Variants in AHNAK observed in about 807,000 individuals in gnomAD.
The protein encoded by AHNAK is AHNAK nucleoprotein, also known as neuroblast differentiation-associated protein AHNAK.
AHNAK carries 23 observed loss-of-function variants against 37.8 expected under a neutral mutation model. The ratio of observed to expected loss-of-function variants is 0.61; its 90% confidence interval spans 0.44 to 0.86. AHNAK has a LOEUF of 0.86. AHNAK is among the 40% of genes least tolerant of loss of function. AHNAK has a pLI of 0.00. For synonymous variants in AHNAK, 2,481 were observed against 2,636.3 expected (o/e 0.94, Z 1.80); for missense variants, 7,411 against 7,319.4 (o/e 1.01, Z -0.46).
rs1412820484 is a variant in AHNAK, at chr11:62,530,017, C to T, written c.4400G>A (p.Gly1467Glu). Residue 1467 changes from glycine to glutamate, a missense_variant, in exon 5 of 5, where the codon GGA becomes GAA. Gly to Glu is a moderately conservative substitution (Grantham distance 98). Transcript: ENST00000378024. ...TTTTGGAACTGTTACATCATAATCTCCTTTCATTTTAGGACCTTTCAAATG... is the reference window on the plus strand; with the variant it reads ...TTTTGGAACTGTTACATCATAATCTTCTTTCATTTTAGGACCTTTCAAATG... ...GLHLKGPKMK[G>E]DYDVTVPKVE... is the part of the protein sequence containing the mutation. 3 of 1,614,106 alleles carry T rather than the reference C, an allele frequency of 1.9e-6. No individual in the cohort carries two copies. The highest frequency in any genetic ancestry group is 2.5e-6 in the Non-Finnish European group (3 of 1,180,038).
At chr11:62,477,556 G>C (rs545402743) in intron 5 of AHNAK, among the ~76,000 whole-genome samples, 1 of 152,186 alleles carries the variant, frequency 6.6e-6, no homozygotes, top group Non-Finnish European at 1.5e-5. Flanking sequence ...TGTAATCCCA[G>C]CACTTTGGGA....
intron 5 of AHNAK, among the ~76,000 whole-genome samples, chr11:62,449,182 T>G (rs4084163): frequency 2.0e-5 from 3 of 152,330 alleles, no homozygotes; most frequent in Admixed American, 1.3e-4. Flanking sequence ...CTCTCTCTTC[T>G]CATGGTGTGA....
rs776859050 is a variant in AHNAK, at chr11:62,531,270, C to T, written c.3147G>A (p.Lys1049=). 6.2e-7 allele frequency: 1 copy of T among 1,613,460 alleles called. No homozygotes were observed. Among genetic ancestry groups the T allele is most frequent in the Non-Finnish European group, 8.5e-7 (1 of 1,179,788 alleles). Residue 1049 remains lysine, a synonymous_variant, in exon 5 of 5, where the codon AAG becomes AAA. Coordinates refer to ENST00000378024, the MANE Select transcript of AHNAK (RefSeq NM_001620.3). ...PDLSLEGPEG[K]LKGPKFKMPE... is the part of the protein sequence containing the mutation. ...GCATCTTAAACTTCGGGCCTTTCAA[C>T]TTCCCTTCAGGTCCTTCAAGGCTCA...
chr11:62,516,830 A>G lies in AHNAK; in HGVS notation c.17587T>C (p.Ser5863Pro). The change falls in exon 5 of 5, where the codon TCC (serine) becomes CCC (proline). Residue 5863 changes from serine to proline, a missense_variant. Physicochemically the swap from Ser to Pro is moderately conservative, Grantham distance 74. Transcript: ENST00000378024. The part of the protein sequence containing the change: ...VSLASKKSRL[S>P]SSSSNDSGNK... ...CCACTGTCATTGCTAGAAGAGGAGG[A>G]CAGTCGGGACTTCTTAGAGGCCAGG... The G allele has an allele frequency of 6.2e-7, 1 of 1,614,156 alleles. No individual in the cohort carries two copies. The highest frequency in any genetic ancestry group is 1.3e-5 in the African/African-American group (1 of 75,032).
In AHNAK at chr11:62,528,345, G is replaced by T. The variant is rs775022062; in HGVS notation, c.6072C>A (p.Asp2024Glu). Residue 2024 changes from aspartate (D) to glutamate (E), a missense_variant, in exon 5 of 5, where the codon GAC (aspartate) becomes GAA (glutamate). Coordinates refer to ENST00000378024, the MANE Select transcript of AHNAK (RefSeq NM_001620.3). Reference sequence around the variant, plus strand: ...CAATGTCCATTTTGGGTCCTTTGATGTCAACATCTGGCACTTTCATTTCAC... The same window carrying T: ...CAATGTCCATTTTGGGTCCTTTGATTTCAACATCTGGCACTTTCATTTCAC... Reference protein sequence around the residue: ...VEGEMKVPDVDIKGPKMDIDA... With the variant: ...VEGEMKVPDVEIKGPKMDIDA... 3.1e-6 allele frequency: 5 copies of T among 1,613,612 alleles called. No individual in the cohort carries two copies. The Admixed American group carries it at 6.7e-5, about 22-fold the overall frequency.
At position 62,533,584 on chromosome 11, in the gene AHNAK, A is replaced by G. The variant is rs1940841841; in HGVS notation, c.833T>C (p.Val278Ala). ...ACCCCCAAGAGAAGATGAAATGTCCACTGCTGGAACTTGGACCCCTCCTCT... is the reference window on the plus strand; with the variant it reads ...ACCCCCAAGAGAAGATGAAATGTCCGCTGCTGGAACTTGGACCCCTCCTCT... ...GGRGGVQVPA[V>A]DISSSLGGRA... The change falls in exon 5 of 5, where the codon GTG (valine) becomes GCG (alanine). Residue 278 changes from valine (V) to alanine (A), a missense_variant. Transcript: ENST00000378024. 12 of 1,614,128 alleles carry G rather than the reference A, an allele frequency of 7.4e-6. No homozygotes were observed. The highest frequency in any genetic ancestry group is 9.3e-6 in the Non-Finnish European group (11 of 1,180,016).
chr11:62,516,176 C>A lies in AHNAK; in HGVS notation c.*568G>T. ...GTCAGCACCAAACTGGCTGGGACCA[C>A]CACCCCTGGGTGAAAGAAACAACAC... is the stretch of plus-strand genomic sequence containing the variant. On this transcript the variant is annotated 3_prime_UTR_variant, in exon 5 of 5. Transcript: ENST00000378024. 7.8e-7 allele frequency: 1 copy of A among 1,289,200 alleles called. No homozygotes were observed. Among genetic ancestry groups the A allele is most frequent in the Non-Finnish European group, 1.0e-6 (1 of 988,672 alleles). The allele number at this position is 1,289,200 out of a possible 1,614,324, so 79.9% of individuals were successfully genotyped here.
chr11:62,488,277 T>C (rs77645775), intron 5 of AHNAK, among the ~76,000 whole-genome samples: 1,670 of 152,184 alleles, frequency 0.011, 31 homozygotes, highest in African/African-American at 0.039. Flanking sequence ...AAGTAAAGTG[T>C]ACAACAAAAA....
At chr11:62,540,015 A>G (rs1941074973) in intron 1 of AHNAK, among the ~76,000 whole-genome samples, 1 of 152,216 alleles carries the variant, frequency 6.6e-6, no homozygotes, top group Admixed American at 6.5e-5. Context: ...TGGAGCCTGT[A>G]TCAAGCCCAA....
intron 4 of AHNAK, among the ~76,000 whole-genome samples, chr11:62,500,965 T>A (rs1383687267): frequency 6.6e-6 from 1 of 152,120 alleles, no homozygotes; most frequent in Non-Finnish European, 1.5e-5. Flanking sequence ...ACATCTGTAA[T>A]CCTAACACTT....
At position 62,529,098 on chromosome 11, in the gene AHNAK, C is replaced by G; in HGVS notation, c.5319G>C (p.Lys1773Asn). ...KLKGSKFKMP[K>N]LNIKAPKVSM... ...AGACCTTGGGAGCTTTTATATTCAACTTGGGCATCTTAAATTTGGAGCCTT... is the reference window on the plus strand; with the variant it reads ...AGACCTTGGGAGCTTTTATATTCAAGTTGGGCATCTTAAATTTGGAGCCTT... Residue 1773 changes from lysine (K) to asparagine (N), a missense_variant, in exon 5 of 5, where the codon AAG becomes AAC. Physicochemically the swap from Lys to Asn is moderately conservative, Grantham distance 94. Transcript: ENST00000378024. 2 of 1,614,082 alleles carry G rather than the reference C, an allele frequency of 1.2e-6. No individual in the cohort carries two copies. Among genetic ancestry groups the G allele is most frequent in the Non-Finnish European group, 1.7e-6 (2 of 1,180,018 alleles).
intron 5 of AHNAK, among the ~76,000 whole-genome samples, chr11:62,449,118 C>T (rs1312209410): frequency 6.6e-6 from 1 of 152,150 alleles, no homozygotes; most frequent in Non-Finnish European, 1.5e-5. Context: ...AGGCTCACCA[C>T]GCAGAGCCAT....
intron 4 of AHNAK, among the ~76,000 whole-genome samples, chr11:62,503,440 G>T (rs912541994): frequency 1.3e-5 from 2 of 152,014 alleles, no homozygotes; most frequent in Non-Finnish European, 2.9e-5. Flanking sequence ...AAAATTAGCC[G>T]GGCATGGTGG....
intron 5 of AHNAK, among the ~76,000 whole-genome samples, chr11:62,489,171 G>A (rs933956316): frequency 6.6e-6 from 1 of 151,642 alleles, no homozygotes; most frequent in Non-Finnish European, 1.5e-5. Flanking sequence ...AACGCGGGAG[G>A]TGGAGGTTGC....
Position 62,529,117 on chromosome 11 carries a change from G to A in AHNAK, c.5300C>T (p.Ser1767Phe). ...IEGPEGKLKG[S>F]KFKMPKLNIK... ...ATTCAACTTGGGCATCTTAAATTTG[G>A]AGCCTTTCAACTTTCCTTCTGGTCC... is the stretch of plus-strand genomic sequence containing the variant. Residue 1767 changes from serine (S) to phenylalanine (F), a missense_variant, in exon 5 of 5, where the codon TCC (serine) becomes TTC (phenylalanine). Transcript: ENST00000378024. The A allele has an allele frequency of 6.2e-7, 1 of 1,614,072 alleles. No individual in the cohort carries two copies. The highest frequency in any genetic ancestry group is 8.5e-7 in the Non-Finnish European group (1 of 1,180,014).
At position 62,531,240 on chromosome 11, in the gene AHNAK, C is replaced by G; in HGVS notation, c.3177G>C (p.Glu1059Asp). 6.2e-7 allele frequency: 1 copy of G among 1,614,068 alleles called. No individual in the cohort carries two copies. Among genetic ancestry groups the G allele is most frequent in the South Asian group, 1.1e-5 (1 of 91,034 alleles). ...KLKGPKFKMP[E>D]MHFRAPKMSL... ...ACATCTTAGGAGCTCTGAAGTGCATCTCAGGCATCTTAAACTTCGGGCCTT... is the reference window on the plus strand; with the variant it reads ...ACATCTTAGGAGCTCTGAAGTGCATGTCAGGCATCTTAAACTTCGGGCCTT... The change falls in exon 5 of 5, where the codon GAG becomes GAC. Residue 1059 changes from glutamate to aspartate, a missense_variant. By Grantham distance (45) the Glu-to-Asp change is conservative (BLOSUM62 2). Coordinates refer to ENST00000378024, the MANE Select transcript of AHNAK (RefSeq NM_001620.3).
downstream of AHNAK, among the ~76,000 whole-genome samples, chr11:62,512,512 G>A (rs1939932336): frequency 1.3e-5 from 2 of 152,128 alleles, no homozygotes; most frequent in Admixed American, 6.6e-5. This position sits in a 1 kb window ranked among gnomAD's most constrained non-coding sequence, Gnocchi z 4.0. Context: ...TCCATAAACT[G>A]TCTCTTTATT....
At position 62,527,899 on chromosome 11, in the gene AHNAK, T is replaced by C; in HGVS notation, c.6518A>G (p.Lys2173Arg). 4 of 1,613,482 alleles carry C rather than the reference T, an allele frequency of 2.5e-6. No homozygotes were observed. Among genetic ancestry groups the C allele is most frequent in the Non-Finnish European group, 3.4e-6 (4 of 1,179,804 alleles). The change falls in exon 5 of 5, where the codon AAG (lysine) becomes AGG (arginine). Residue 2173 changes from lysine to arginine, a missense_variant. Physicochemically the swap from Lys to Arg is conservative, Grantham distance 26. Coordinates refer to ENST00000378024, the MANE Select transcript of AHNAK (RefSeq NM_001620.3). ...PDAKLKGPKF[K>R]MPEMHFKTPK... is the part of the protein sequence containing the mutation. ...GGTCTTGAAGTGCATCTCAGGCATC[T>C]TAAACTTGGGCCCTTTCAACTTTGC...
intron 5 of AHNAK, among the ~76,000 whole-genome samples, chr11:62,468,577 A>G (rs1315310839): frequency 1.3e-5 from 2 of 152,076 alleles, no homozygotes; most frequent in Non-Finnish European, 2.9e-5. Context: ...CCAAGCCAAA[A>G]CTGTTCATCT....
Sources: allele counts gnomAD v4.1 joint callset (sites outside exome capture counted in the v4.1 genomes callset), GRCh38; gene constraint gnomAD v4.1.1; non-coding constraint Gnocchi (gnomAD v3.1); transcripts MANE v1.5; gene names NCBI Gene and HGNC (gene_info 2026-07-23, HGNC 2026-07-21).